SUMF1: variants seen among roughly 807,000 people sequenced by gnomAD.
SUMF1 encodes the protein sulfatase modifying factor 1.
Under a neutral mutation model 47.6 loss-of-function variants are expected in SUMF1, and 48 were observed. The ratio of observed to expected loss-of-function variants is 1.01; its 90% CI spans 0.80 to 1.28. SUMF1 has a LOEUF of 1.28. Ranked by LOEUF, SUMF1 falls within the 50% of genes most tolerant of loss-of-function variation. The pLI is 0.00. For synonymous variants in SUMF1, 230 were observed against 192.1 expected, an observed-to-expected ratio of 1.20 and a Z score of -1.63; for missense variants, 571 against 485.4, an observed-to-expected ratio of 1.18 and a Z score of -1.66.
chr3:4,403,027 T>C (rs794192), intron 7 of SUMF1, among the ~76,000 whole-genome samples: 55,591 of 152,006 alleles, frequency 0.37, 10,711 homozygotes, highest in African/African-American at 0.45. Context: ...TAGGCGTGCC[T>C]GTAGTACCAG....
intron 8 of SUMF1, among the ~76,000 whole-genome samples, chr3:4,177,750 G>A (rs1228101579): frequency 1.3e-5 from 2 of 152,036 alleles, no homozygotes; most frequent in Non-Finnish European, 2.9e-5. Flanking sequence ...GTGAATCCAG[G>A]AGCTGGTTTT....
At chr3:4,366,114 G>C (rs1699946847) in intron 8 of SUMF1, among the ~76,000 whole-genome samples, 1 of 151,826 alleles carries the variant, frequency 6.6e-6, no homozygotes, top group South Asian at 2.1e-4. Flanking sequence ...TTCCCTTCGT[G>C]GGTAACCCGA....
chr3:4,188,118 C>T (rs1274608061), intron 8 of SUMF1, among the ~76,000 whole-genome samples: 2 of 152,002 alleles, frequency 1.3e-5, no homozygotes, highest in African/African-American at 4.8e-5. Flanking sequence ...ATGTGTACAA[C>T]TGATGAACCT....
At chr3:4,062,530 A>T (rs924410602) in intron 9 of SUMF1, among the ~76,000 whole-genome samples, 1 of 152,166 alleles carries the variant, frequency 6.6e-6, no homozygotes, top group African/African-American at 2.4e-5. Flanking sequence ...ATTTACCAAC[A>T]ATCGTATAGG....
intron 8 of SUMF1, among the ~76,000 whole-genome samples, chr3:4,238,802 G>T (rs1464656990): frequency 2.0e-5 from 3 of 152,082 alleles, no homozygotes; most frequent in African/African-American, 7.2e-5. Context: ...GTCTATTTTG[G>T]CTTTTGTTGC....
intron 3 of SUMF1, 62 bp from the exon 4 acceptor site, chr3:4,420,208 C>G: frequency 7.5e-7 from 1 of 1,327,552 alleles, no homozygotes; most frequent in East Asian, 2.3e-5. Context: ...AAAATATCAA[C>G]TCAGTACATG....
chr3:4,253,783 C>T, intron 8 of SUMF1, among the ~76,000 whole-genome samples: 1 of 146,434 alleles, frequency 6.8e-6, no homozygotes, highest in South Asian at 2.3e-4. Flanking sequence ...GCCTGCCTGC[C>T]TCTGTAGGCT....
chr3:4,215,118 C>T (rs1262346696), intron 8 of SUMF1, among the ~76,000 whole-genome samples: 1 of 152,156 alleles, frequency 6.6e-6, no homozygotes, highest in Non-Finnish European at 1.5e-5. Context: ...AGGCCAATAT[C>T]CCTGACGAAC....
At position 4,123,061 on chromosome 3, in the gene SUMF1, G is replaced by A. The variant is rs182006471; in HGVS notation, c.1015-54316C>T. Reference sequence around the variant, plus strand: ...TGGCCTTTGTTTTCATGCAACTTACGAAACATTGAGTAAAGTACACAAAAG... The same window carrying A: ...TGGCCTTTGTTTTCATGCAACTTACAAAACATTGAGTAAAGTACACAAAAG... On this transcript the variant is annotated intron_variant and NMD_transcript_variant, in intron 8 of 12. Transcript: ENST00000448413. 1.1e-4 allele frequency among the ~76,000 whole-genome samples: 16 copies of A among 152,148 alleles called. No individual in the cohort carries two copies. In the East Asian group the frequency reaches 2.1e-3, roughly 20 times the overall value.
chr3:4,287,589 G>GGAAC (rs2125051655), intron 8 of SUMF1, among the ~76,000 whole-genome samples: 1 of 152,230 alleles, frequency 6.6e-6, no homozygotes, highest in South Asian at 2.1e-4. Flanking sequence ...GCTTCACAAA[G>GGAAC]ATAGGACCTC....
chr3:4,225,702 C>A (rs1439000065), intron 8 of SUMF1, among the ~76,000 whole-genome samples: 1 of 152,060 alleles, frequency 6.6e-6, no homozygotes, highest in Non-Finnish European at 1.5e-5. Flanking sequence ...GTAGAAGTCA[C>A]CTGAGGTTAT....
At chr3:4,303,950 G>C in intron 8 of SUMF1, 1 of 1,010,516 alleles carries the variant, frequency 9.9e-7, no homozygotes, top group Non-Finnish European at 1.3e-6. Context: ...CCTTAGCTGT[G>C]GTCTCCCTCA....
intron 8 of SUMF1, among the ~76,000 whole-genome samples, chr3:4,322,096 T>C: frequency 6.6e-6 from 1 of 152,090 alleles, no homozygotes; most frequent in Non-Finnish European, 1.5e-5. Context: ...CCTCAAGGTC[T>C]TGGAAAACAA....
chr3:4,159,893 T>TG (rs1379244644), intron 8 of SUMF1, among the ~76,000 whole-genome samples: 1 of 152,192 alleles, frequency 6.6e-6, no homozygotes, highest in Non-Finnish European at 1.5e-5. Flanking sequence ...TATCCTGGCC[T>TG]ATACAGTTTC....
chr3:4,404,384 C>G (rs1285473620), intron 7 of SUMF1, among the ~76,000 whole-genome samples: 1 of 152,162 alleles, frequency 6.6e-6, no homozygotes, highest in African/African-American at 2.4e-5. Context: ...TTATCACTTT[C>G]GTGCTTTTTT....
intron 8 of SUMF1, among the ~76,000 whole-genome samples, chr3:4,178,083 C>A (rs374055539): frequency 1.3e-5 from 2 of 152,012 alleles, no homozygotes; most frequent in African/African-American, 2.4e-5. Context: ...CAGGACCAGA[C>A]AGATTCACAG....
intron 8 of SUMF1, among the ~76,000 whole-genome samples, chr3:4,278,928 G>C (rs1335040673): frequency 1.3e-5 from 2 of 152,094 alleles, no homozygotes; most frequent in African/African-American, 2.4e-5. Flanking sequence ...GAGGATACCA[G>C]AGTACCCTTT....
intron 1 of SUMF1, among the ~76,000 whole-genome samples, chr3:4,462,018 A>G (rs891698589): frequency 5.9e-5 from 9 of 152,246 alleles, no homozygotes. Flanking sequence ...TCTATTATTC[A>G]TTGGAATAAC....
chr3:4,353,119 C>A (rs1254143263), intron 8 of SUMF1, among the ~76,000 whole-genome samples: 1 of 152,168 alleles, frequency 6.6e-6, no homozygotes, highest in Non-Finnish European at 1.5e-5. Context: ...AAAAGATTGA[C>A]CCAAGTATGG....
Sources: gnomAD v4.1 joint callset for allele counts (sites outside exome capture counted in the v4.1 genomes callset) on GRCh38, gnomAD v4.1.1 for gene constraint, MANE v1.5 for transcripts, NCBI Gene and HGNC (gene_info 2026-07-23, HGNC 2026-07-21) for gene names.